The following BRINP1 variants were observed in gnomAD, a reference collection of about 807,000 sequenced individuals.
BRINP1 encodes BMP/retinoic acid-inducible neural-specific protein 1.
Under a neutral mutation model 72.9 loss-of-function variants are expected in BRINP1, and 17 were observed. The ratio of observed to expected loss-of-function variants is 0.23; its 90% CI spans 0.16 to 0.35. The LOEUF is 0.35. BRINP1 is among the 10% of genes least tolerant of loss of function. The pLI is 1.00. For missense variants in BRINP1, 850 were observed against 1,001.6 expected (o/e 0.85, Z 2.04); for synonymous variants, 418 against 378.5 (o/e 1.10, Z -1.21).
intron 7 of BRINP1, among the ~76,000 whole-genome samples, chr9:119,182,758 T>C (rs536670363): frequency 2.6e-5 from 4 of 152,360 alleles, no homozygotes; most frequent in African/African-American, 9.6e-5. Context: ...CAGTCTTTGT[T>C]ATTTCATTAT....
intron 5 of BRINP1, among the ~76,000 whole-genome samples, chr9:119,229,459 T>A (rs534662456): frequency 1.4e-4 from 21 of 152,202 alleles, no homozygotes; most frequent in African/African-American, 5.1e-4. Flanking sequence ...GTAGAACTAG[T>A]ACTGGAACTA....
intron 5 of BRINP1, among the ~76,000 whole-genome samples, chr9:119,223,698 G>A (rs1830063537): frequency 6.6e-6 from 1 of 152,032 alleles, no homozygotes; most frequent in Non-Finnish European, 1.5e-5. Flanking sequence ...CTGTGGTTCT[G>A]TCTTCTATGT....
At chr9:119,204,686 T>C (rs1456601465) in intron 7 of BRINP1, among the ~76,000 whole-genome samples, 1 of 152,228 alleles carries the variant, frequency 6.6e-6, no homozygotes, top group Admixed American at 6.5e-5. Context: ...CTCCCTTCCT[T>C]TTAACTGATT....
chr9:119,172,355 C>G (rs958618536), intron 7 of BRINP1, among the ~76,000 whole-genome samples: 2 of 152,308 alleles, frequency 1.3e-5, no homozygotes, highest in African/African-American at 4.8e-5. Context: ...ACAAACACCT[C>G]TACACAAATA....
At chr9:119,231,115 A>G (rs957131799) in intron 5 of BRINP1, among the ~76,000 whole-genome samples, 1 of 152,112 alleles carries the variant, frequency 6.6e-6, no homozygotes, top group Non-Finnish European at 1.5e-5. Context: ...ACTAAGACAC[A>G]TCATCAATAA....
intron 2 of BRINP1, among the ~76,000 whole-genome samples, chr9:119,280,246 C>CTT (rs56094061): frequency 6.7e-5 from 10 of 148,694 alleles, no homozygotes; most frequent in South Asian, 2.1e-4. Flanking sequence ...GTTTTTTTTT[C>CTT]TTTTTTTTTT....
chr9:119,325,940 T>C (rs1831235735), intron 1 of BRINP1, among the ~76,000 whole-genome samples: 1 of 152,168 alleles, frequency 6.6e-6, no homozygotes, highest in Admixed American at 6.5e-5. Context: ...GTTTAGACTG[T>C]TCCCTCTCCT....
chr9:119,171,755 A>G (rs572381639), intron 7 of BRINP1, among the ~76,000 whole-genome samples: 255 of 118,706 alleles, frequency 2.1e-3, no homozygotes, highest in African/African-American at 8.9e-3. Flanking sequence ...CAGCAAATGT[A>G]AAAGAACAGA....
At chr9:119,243,261 C>T (rs1202685595) in intron 3 of BRINP1, among the ~76,000 whole-genome samples, 1 of 152,114 alleles carries the variant, frequency 6.6e-6, no homozygotes, top group East Asian at 1.9e-4. Context: ...CTCCCTGTGT[C>T]CATGTGTTCT....
chr9:119,302,712 C>G (rs1015168459), intron 2 of BRINP1, among the ~76,000 whole-genome samples: 2 of 152,192 alleles, frequency 1.3e-5, no homozygotes, highest in African/African-American at 4.8e-5. Context: ...GAACAAGTAT[C>G]CCCTCCTCTA....
chr9:119,246,007 G>C, intron 3 of BRINP1, among the ~76,000 whole-genome samples: 2 of 152,116 alleles, frequency 1.3e-5, no homozygotes. Context: ...ATAATAGTAA[G>C]AACAAGAGTA....
chr9:119,343,353 G>A (rs141503173), intron 1 of BRINP1, among the ~76,000 whole-genome samples: 21 of 152,278 alleles, frequency 1.4e-4, no homozygotes, highest in Non-Finnish European at 1.8e-4. Flanking sequence ...TATGGGTCAC[G>A]TTCTTCAAGT....
chr9:119,217,024 A>G (rs1464644533), intron 5 of BRINP1, among the ~76,000 whole-genome samples: 1 of 152,232 alleles, frequency 6.6e-6, no homozygotes. Context: ...ATGAAGACAT[A>G]GCAATTAAAA....
intron 2 of BRINP1, among the ~76,000 whole-genome samples, chr9:119,310,956 T>G (rs565309451): frequency 1.3e-4 from 20 of 152,328 alleles, no homozygotes; most frequent in African/African-American, 4.8e-4. Context: ...TATTTGCATA[T>G]GGGTTCATAT....
At chr9:119,175,116 G>GTA (rs1491194274) in intron 7 of BRINP1, among the ~76,000 whole-genome samples, 1 of 58,774 alleles carries the variant, frequency 1.7e-5, no homozygotes, top group South Asian at 5.1e-4. Flanking sequence ...TTAAAGTAAA[G>GTA]TATAAAAAAA....
At chr9:119,187,051 C>T (rs1457454334) in intron 7 of BRINP1, among the ~76,000 whole-genome samples, 1 of 151,962 alleles carries the variant, frequency 6.6e-6, no homozygotes, top group African/African-American at 2.4e-5. Context: ...GTCCTGACAC[C>T]CAGGATCAGA....
intron 3 of BRINP1, among the ~76,000 whole-genome samples, chr9:119,245,941 C>T (rs757948163): frequency 1.3e-5 from 2 of 152,150 alleles, no homozygotes; most frequent in Non-Finnish European, 1.5e-5. Flanking sequence ...TAGTGAGTAG[C>T]AGAATTGGGC....
rs58750741 is a variant in BRINP1 at position 119,315,083 on chromosome 9, C to T, written c.-50-1678G>A. On this transcript the variant is annotated intron_variant, in intron 1 of 7. Transcript: ENST00000265922. Reference sequence around the variant, plus strand: ...TTTAAAAAAGCGTTATTTGTTTACTCCTCTGAGCTATAGTTGCTCATTTTC... The same window carrying T: ...TTTAAAAAAGCGTTATTTGTTTACTTCTCTGAGCTATAGTTGCTCATTTTC... Among the ~76,000 whole-genome samples, 184 of 152,240 alleles carry T rather than the reference C, an allele frequency of 1.2e-3. 1 individual carries two copies. Among genetic ancestry groups the T allele is most frequent in the Middle Eastern group, 6.8e-3 (2 of 292 alleles).
At chr9:119,252,801 C>T (rs1218689159) in intron 2 of BRINP1, among the ~76,000 whole-genome samples, 2 of 152,028 alleles carry the variant, frequency 1.3e-5, no homozygotes, top group Admixed American at 6.6e-5. Context: ...AGAACCAGTA[C>T]CAGTACAGAA....
Sources: gnomAD v4.1 joint callset for allele counts (sites outside exome capture counted in the v4.1 genomes callset) on GRCh38, gnomAD v4.1.1 for gene constraint, MANE v1.5 for transcripts, NCBI Gene and HGNC (gene_info 2026-07-23, HGNC 2026-07-21) for gene names.